The following SGCG variants were observed in gnomAD, a reference collection of about 807,000 sequenced individuals.
SGCG encodes the protein gamma-sarcoglycan.
In SGCG, 26 loss-of-function variants were observed where a neutral mutation model predicts 29.3. That is an observed-to-expected ratio of 0.89 (90% CI 0.65 to 1.23). The LOEUF (loss-of-function observed/expected upper bound fraction) is 1.23. Among genes scored for constraint, SGCG ranks in the 50% most tolerant of loss-of-function variants. The probability of loss-of-function intolerance (pLI) is 0.00; values close to 1 mark genes in which losing one functional copy is unlikely to be tolerated. For missense variants in SGCG, 353 were observed against 356.0 expected (o/e 0.99, Z 0.07); for synonymous variants, 145 against 129.7 (o/e 1.12, Z -0.80).
At chr13:23,315,474 A>G (rs1377925967) in intron 6 of SGCG, among the ~76,000 whole-genome samples, 1 of 152,164 alleles carries the variant, frequency 6.6e-6, no homozygotes, top group African/African-American at 2.4e-5. Flanking sequence ...CCCAGCCTGC[A>G]CCAATGGCCT....
chr13:23,178,103 A>T (rs970182474), upstream of SGCG, among the ~76,000 whole-genome samples: 1 of 152,186 alleles, frequency 6.6e-6, no homozygotes, highest in Non-Finnish European at 1.5e-5. Flanking sequence ...GCTTTAGGCC[A>T]AGGAGTGATA....
Position 23,199,302 on chromosome 13 carries a change from A to C in SGCG, c.1-4393A>C, listed in dbSNP as rs374732975. Among the ~76,000 whole-genome samples the C allele has an allele frequency of 3.3e-5, 5 of 152,324 alleles. No homozygotes were observed. In the East Asian group the frequency reaches 9.6e-4, roughly 29 times the overall value. On this transcript the variant is annotated intron_variant, in intron 1 of 7. Transcript: ENST00000218867. ...TAAGTTCTAATATACTTATTTCACT[A>C]ATTATGTTTTGTAAAGGGTTTATAA...
chr13:23,175,383 T>G, the SGCG span, among the ~76,000 whole-genome samples: 1 of 152,170 alleles, frequency 6.6e-6, no homozygotes, highest in African/African-American at 2.4e-5. Flanking sequence ...CATGCATAGA[T>G]TCTACTTTGA....
intron 2 of SGCG, among the ~76,000 whole-genome samples, chr13:23,230,062 T>C (rs1183913569): frequency 6.6e-6 from 1 of 152,212 alleles, no homozygotes; most frequent in African/African-American, 2.4e-5. Flanking sequence ...TTGCTTGTTC[T>C]TGTCAGCTTT....
intron 2 of SGCG, among the ~76,000 whole-genome samples, chr13:23,208,475 A>C (rs996242613): frequency 6.6e-6 from 1 of 152,178 alleles, no homozygotes; most frequent in African/African-American, 2.4e-5. Flanking sequence ...AAGAATATTA[A>C]AAATTTAAAA....
At chr13:23,241,009 C>T (rs947502782) in intron 3 of SGCG, among the ~76,000 whole-genome samples, 20 of 151,726 alleles carry the variant, frequency 1.3e-4, no homozygotes, top group Admixed American at 9.8e-4. Context: ...ATTAACCGGG[C>T]GTGGTGGCGG....
chr13:23,243,669 A>G (rs1879592698), intron 3 of SGCG: 1 of 152,056 alleles, frequency 6.6e-6, no homozygotes, highest in South Asian at 2.1e-4. Flanking sequence ...TGGTGGAGAG[A>G]GCCTGGAAGT....
chr13:23,280,292 A>G (rs9510664), intron 5 of SGCG, among the ~76,000 whole-genome samples: 17,120 of 152,226 alleles, frequency 0.11, 1,198 homozygotes, highest in African/African-American at 0.18. Context: ...GCCAAAGACT[A>G]GAAGACACAG....
At chr13:23,249,593 C>CTCTG (rs1879880215) in intron 3 of SGCG, among the ~76,000 whole-genome samples, 1 of 151,946 alleles carries the variant, frequency 6.6e-6, no homozygotes, top group African/African-American at 2.4e-5. Context: ...AAAATAAAAG[C>CTCTG]AACAGAAGGA....
rs373816020 is a variant in SGCG, at chr13:23,305,265, A to G, written c.578+9778A>G. ...AGGAGCATTGAAAAGTTTTCTTCAT[A>G]TGTGTTTTCCACATTTATTTGTTGC... On this transcript the variant is annotated intron_variant, in intron 6 of 7. Coordinates refer to ENST00000218867, the MANE Select transcript of SGCG (RefSeq NM_000231.3). Among the ~76,000 whole-genome samples the G allele has an allele frequency of 1.3e-4, 20 of 152,236 alleles. 1 individual carries two copies. Among genetic ancestry groups the G allele is most frequent in the African/African-American group, 4.8e-4 (20 of 41,542 alleles).
intron 2 of SGCG, among the ~76,000 whole-genome samples, chr13:23,204,591 CTTTCT>C (rs1330490078): frequency 7.7e-6 from 1 of 130,358 alleles, no homozygotes; most frequent in African/African-American, 2.7e-5. Flanking sequence ...TCTTTCTTTT[CTTTCT>C]TTTCTTTCTT....
At chr13:23,271,807 G>A (rs1427055511) in intron 4 of SGCG, among the ~76,000 whole-genome samples, 4 of 152,228 alleles carry the variant, frequency 2.6e-5, no homozygotes, top group South Asian at 2.1e-4. Context: ...CCAAGAATGC[G>A]GAATGTCTTT....
chr13:23,296,595 C>T (rs578094226), intron 6 of SGCG, among the ~76,000 whole-genome samples: 6 of 116,716 alleles, frequency 5.1e-5, no homozygotes, highest in South Asian at 3.3e-4. Flanking sequence ...TCTCTTCTCC[C>T]GGTCACCCCG....
At chr13:23,235,144 G>A (rs949177015) in intron 3 of SGCG, among the ~76,000 whole-genome samples, 4 of 152,266 alleles carry the variant, frequency 2.6e-5, no homozygotes, top group South Asian at 2.1e-4. Flanking sequence ...TGAGGTGGGC[G>A]GATCACCTGA....
At chr13:23,241,444 C>T (rs1287195290) in intron 3 of SGCG, among the ~76,000 whole-genome samples, 1 of 151,992 alleles carries the variant, frequency 6.6e-6, no homozygotes, top group Non-Finnish European at 1.5e-5. Flanking sequence ...CTAAACAGAC[C>T]AATAATGAGT....
intron 5 of SGCG, among the ~76,000 whole-genome samples, chr13:23,293,964 A>G (rs1471694885): frequency 2.0e-5 from 3 of 152,200 alleles, no homozygotes; most frequent in Admixed American, 6.5e-5. Context: ...AACTAGTACA[A>G]GGGTTGATTT....
chr13:23,189,035 A>G (rs529772982), intron 1 of SGCG, among the ~76,000 whole-genome samples: 1 of 152,340 alleles, frequency 6.6e-6, no homozygotes, highest in South Asian at 2.1e-4. Flanking sequence ...CAAGAGAGGC[A>G]CTAATCTCTG....
At chr13:23,164,913 C>G in the SGCG span, among the ~76,000 whole-genome samples, 1 of 152,172 alleles carries the variant, frequency 6.6e-6, no homozygotes. Flanking sequence ...GTACCCTTCC[C>G]TCTTCAGGGC....
intron 5 of SGCG, among the ~76,000 whole-genome samples, chr13:23,283,046 C>T (rs935540227): frequency 1.3e-5 from 2 of 152,152 alleles, no homozygotes; most frequent in African/African-American, 4.8e-5. Context: ...ATTATGTGGT[C>T]AATTTTGGAA....
Sources: gnomAD v4.1 joint callset for allele counts (sites outside exome capture counted in the v4.1 genomes callset) on GRCh38, gnomAD v4.1.1 for gene constraint, MANE v1.5 for transcripts, NCBI Gene and HGNC (gene_info 2026-07-23, HGNC 2026-07-21) for gene names.